The following MCC variants were observed in gnomAD, a reference collection of about 807,000 sequenced individuals.
MCC encodes the protein MCC regulator of Wnt signaling pathway, also known as colorectal mutant cancer protein.
Under a neutral mutation model 116.2 loss-of-function variants are expected in MCC, and 90 were observed. The observed-to-expected ratio is 0.77, with a 90% CI of 0.65 to 0.92. The LOEUF (loss-of-function observed/expected upper bound fraction) is 0.92, where lower values mean the gene tolerates loss of function less well. Ranked by LOEUF, MCC falls within the 40% of genes least tolerant of loss-of-function variation. MCC has a pLI of 0.00. For synonymous variants in MCC, 578 were observed against 510.5 expected (o/e 1.13, Z -1.78); for missense variants, 1,516 against 1,312.2 (o/e 1.16, Z -2.40).
intron 3 of MCC, among the ~76,000 whole-genome samples, chr5:113,272,274 T>C (rs1765643860): frequency 6.6e-6 from 1 of 152,168 alleles, no homozygotes; most frequent in Admixed American, 6.6e-5. Flanking sequence ...GCCACAATTA[T>C]TATCTCTAAT....
intron 3 of MCC, among the ~76,000 whole-genome samples, chr5:113,307,811 T>C (rs753501224): frequency 7.2e-5 from 11 of 152,164 alleles, no homozygotes; most frequent in Non-Finnish European, 1.3e-4. Context: ...TTTTCTTCAA[T>C]AAATTTTTAT....
intron 3 of MCC, among the ~76,000 whole-genome samples, chr5:113,200,617 C>T (rs1441724610): frequency 1.3e-5 from 2 of 152,230 alleles, no homozygotes; most frequent in East Asian, 1.9e-4. Flanking sequence ...TGAGCTGACA[C>T]AGGAAGCCCC....
chr5:113,061,185 G>C (rs1469386034), intron 14 of MCC, among the ~76,000 whole-genome samples: 1 of 152,222 alleles, frequency 6.6e-6, no homozygotes, highest in East Asian at 1.9e-4. Context: ...GAGGTACCTA[G>C]AGGCTCACGG....
Position 113,143,365 on chromosome 5 carries a change from G to C in MCC, c.742-5C>G. The C allele has an allele frequency of 6.2e-7, 1 of 1,613,492 alleles. No individual in the cohort carries two copies. The highest frequency in any genetic ancestry group is 1.1e-5 in the South Asian group (1 of 90,948). On this transcript the variant is annotated splice_polypyrimidine_tract_variant and splice_region_variant and intron_variant, in intron 4 of 18. Transcript: ENST00000408903. ...CATGAGGTGGGACTGCTCGCACTGG[G>C]AATAAGGGAAAAGGACAGAAGTGCT...
chr5:113,238,573 T>C (rs954593326), intron 3 of MCC, among the ~76,000 whole-genome samples: 1 of 152,214 alleles, frequency 6.6e-6, no homozygotes, highest in Non-Finnish European at 1.5e-5. Context: ...AAATTTAAGA[T>C]TTTGTTATTG....
intron 3 of MCC, among the ~76,000 whole-genome samples, chr5:113,267,100 A>G (rs1023194153): frequency 6.6e-6 from 1 of 152,188 alleles, no homozygotes; most frequent in Admixed American, 6.5e-5. Flanking sequence ...TCAGCAGAAC[A>G]GGTTTCACAC....
intron 3 of MCC, among the ~76,000 whole-genome samples, chr5:113,188,245 T>C (rs1761996624): frequency 2.6e-5 from 4 of 152,150 alleles, no homozygotes; most frequent in Non-Finnish European, 5.9e-5. Context: ...ATCACAACCA[T>C]GATTGGATAC....
intron 2 of MCC, among the ~76,000 whole-genome samples, chr5:113,364,238 G>GAAAAAAAAAAAAAAAAAAAAACCAAA (rs1768626337): frequency 2.0e-5 from 1 of 49,422 alleles, no homozygotes; most frequent in Non-Finnish European, 3.6e-5. Flanking sequence ...CTCAAAAACA[G>GAAAAAAAAAAAAAAAAAAAAACCAAA]AAAAAAAAAA....
chr5:113,433,672 T>C (rs1770740429), intron 1 of MCC: 2 of 1,540,090 alleles, frequency 1.3e-6, no homozygotes, highest in Admixed American at 4.0e-5. Flanking sequence ...GCTCCACCCT[T>C]GACTTCTTCA....
At position 113,217,241 on chromosome 5, in the gene MCC, TA is replaced by T. The variant is rs540434754; in HGVS notation, c.628-65820del. Among the ~76,000 whole-genome samples the T allele has an allele frequency of 1.9e-3, 286 of 152,338 alleles. 1 individual carries two copies. The highest frequency in any genetic ancestry group is 6.6e-3 in the African/African-American group (275 of 41,580). On this transcript the variant is annotated intron_variant, in intron 3 of 18. Transcript: ENST00000408903. ...CTCTCTCCCATAAAGATTCATTGGTTAAAAAGCACTAGTGGTGATACTAAAT... is the reference window on the plus strand; with the variant it reads ...CTCTCTCCCATAAAGATTCATTGGTTAAAAGCACTAGTGGTGATACTAAAT...
intron 17 of MCC, among the ~76,000 whole-genome samples, chr5:113,033,752 A>T (rs1433115739): frequency 1.3e-5 from 2 of 152,206 alleles, no homozygotes; most frequent in Non-Finnish European, 2.9e-5. Flanking sequence ...AAGCAAAAAC[A>T]ATGCTGGATT....
chr5:113,417,019 G>C (rs958733943), intron 1 of MCC, among the ~76,000 whole-genome samples: 3 of 148,210 alleles, frequency 2.0e-5, no homozygotes, highest in African/African-American at 7.6e-5. Context: ...TGCCAGGCTG[G>C]AGTGCAGTGG....
intron 3 of MCC, among the ~76,000 whole-genome samples, chr5:113,313,739 T>C (rs1304975797): frequency 6.6e-6 from 1 of 152,202 alleles, no homozygotes; most frequent in Non-Finnish European, 1.5e-5. Flanking sequence ...TTCCATATTC[T>C]CTCAAAGCTC....
At chr5:113,298,998 G>C (rs1029628767) in intron 3 of MCC, among the ~76,000 whole-genome samples, 4 of 152,026 alleles carry the variant, frequency 2.6e-5, no homozygotes, top group African/African-American at 9.7e-5. Flanking sequence ...GTAAAGAGTA[G>C]GGCTTCCAGG....
rs1013641325 is a variant in MCC, at chr5:113,026,017, T to C, written c.*1285A>G. On this transcript the variant is annotated 3_prime_UTR_variant, in exon 19 of 19. Coordinates refer to ENST00000408903, the MANE Select transcript of MCC (RefSeq NM_001085377.2). ...AAAACAGTAAATGGTCCTTCAAGTG[T>C]ATCAGTGTAGAACTGAGAGAGAAGA... 1.3e-5 allele frequency: 2 copies of C among 152,226 alleles called. No homozygotes were observed. The highest frequency in any genetic ancestry group is 4.1e-4 in the South Asian group (2 of 4,832). The allele number at this position is 152,226 out of a possible 1,614,324, so 9.4% of individuals were successfully genotyped here. A position where few individuals can be genotyped will look rare whatever the true frequency, so the allele number is the denominator to read the frequency against.
At chr5:113,223,642 G>A (rs937071980) in intron 3 of MCC, among the ~76,000 whole-genome samples, 8 of 152,046 alleles carry the variant, frequency 5.3e-5, no homozygotes, top group Admixed American at 2.0e-4. Context: ...ATGGTAATTC[G>A]ATAAAGGGAA....
At position 113,347,130 on chromosome 5, in the gene MCC, A is replaced by G. The variant is rs895972763; in HGVS notation, c.416-6400T>C. Among the ~76,000 whole-genome samples the G allele has an allele frequency of 2.0e-5, 3 of 152,212 alleles. No individual in the cohort carries two copies. The East Asian group carries it at 5.8e-4, about 29-fold the overall frequency. The stretch of plus-strand genomic sequence containing the variant: ...AAGAAAAGGATATTAATGAGCAACA[A>G]GTGCTCATCTGAAGATATAAAACTC... On this transcript the variant is annotated intron_variant, in intron 2 of 18. Transcript: ENST00000408903.
At chr5:113,394,854 T>C (rs112011428) in intron 1 of MCC, among the ~76,000 whole-genome samples, 3,627 of 152,332 alleles carry the variant, frequency 0.024, 57 homozygotes, top group Middle Eastern at 0.044. Context: ...TGCAGCCAAA[T>C]CTAGATCATT....
Position 113,023,078 on chromosome 5 carries a change from CTG to C in MCC, c.*4222_*4223del, listed in dbSNP as rs1750263713. 2 of 152,194 alleles carry C rather than the reference CTG, an allele frequency of 1.3e-5. No individual in the cohort carries two copies. Among genetic ancestry groups the C allele is most frequent in the Non-Finnish European group, 2.9e-5 (2 of 68,040 alleles). 9.4% of individuals were successfully genotyped at this position (152,194 alleles called of 1,614,324 possible). On this transcript the variant is annotated 3_prime_UTR_variant, in exon 19 of 19. Transcript: ENST00000408903. ...CCACTTGTTTATATTTTAACAGCCACTGAGAGATCAGTGATGCTGTGGTGACA... is the reference window on the plus strand; with the variant it reads ...CCACTTGTTTATATTTTAACAGCCACAGAGATCAGTGATGCTGTGGTGACA...
Sources: gnomAD v4.1 joint callset for allele counts (sites outside exome capture counted in the v4.1 genomes callset) on GRCh38, gnomAD v4.1.1 for gene constraint, MANE v1.5 for transcripts, NCBI Gene and HGNC (gene_info 2026-07-23, HGNC 2026-07-21) for gene names.